The following ANKRD30A variants were observed in gnomAD, a reference collection of about 807,000 sequenced individuals.
ANKRD30A encodes the protein ankyrin repeat domain-containing protein 30A.
ANKRD30A carries 170 observed loss-of-function variants against 166.3 expected under a neutral mutation model. The ratio of observed to expected loss-of-function variants is 1.02; its 90% CI spans 0.90 to 1.16. The LOEUF is 1.16. Among genes scored for constraint, ANKRD30A ranks in the 50% most tolerant of loss-of-function variants. The pLI is 0.00. For synonymous variants in ANKRD30A, 564 were observed against 508.9 expected (o/e 1.11, Z -1.46); for missense variants, 1,630 against 1,518.0 (o/e 1.07, Z -1.23).
chr10:37,240,812 G>A, the ANKRD30A span: 1 of 152,056 alleles, frequency 6.6e-6, no homozygotes, highest in African/African-American at 2.4e-5. Context: ...AATGTGTCAT[G>A]ATATCTATTA....
the ANKRD30A span, among the ~76,000 whole-genome samples, chr10:37,265,507 C>A: frequency 6.6e-6 from 1 of 152,214 alleles, no homozygotes; most frequent in Non-Finnish European, 1.5e-5. Context: ...CACAGCCAGT[C>A]TTCCCACTTC....
chr10:37,196,690 C>T (rs1407582178), intron 27 of ANKRD30A, among the ~76,000 whole-genome samples: 2 of 152,042 alleles, frequency 1.3e-5, no homozygotes, highest in South Asian at 4.1e-4. Flanking sequence ...TACACATCTT[C>T]TTGCATGAGT....
chr10:37,260,312 T>C, the ANKRD30A span, among the ~76,000 whole-genome samples: 2 of 152,182 alleles, frequency 1.3e-5, no homozygotes, highest in Non-Finnish European at 2.9e-5. Context: ...CTTATTTAAC[T>C]TGCTCCCTTC....
chr10:37,196,676 GT>G (rs1841150041), intron 27 of ANKRD30A, among the ~76,000 whole-genome samples: 1 of 151,660 alleles, frequency 6.6e-6, no homozygotes. Context: ...TCCATGATGA[GT>G]TTTACACATC....
chr10:37,251,091 G>A, the ANKRD30A span, among the ~76,000 whole-genome samples: 2 of 152,118 alleles, frequency 1.3e-5, no homozygotes, highest in African/African-American at 2.4e-5. Flanking sequence ...TGAAGAGTTG[G>A]TGATAGGAGA....
At chr10:37,171,768 G>A (rs898916374) in intron 21 of ANKRD30A, among the ~76,000 whole-genome samples, 1 of 150,720 alleles carries the variant, frequency 6.6e-6, no homozygotes, top group African/African-American at 2.4e-5. Flanking sequence ...GTTGGTTACA[G>A]ATTCATTCTG....
intron 18 of ANKRD30A, among the ~76,000 whole-genome samples, chr10:37,166,125 A>G (rs1839314282): frequency 6.6e-6 from 1 of 152,168 alleles, no homozygotes; most frequent in Non-Finnish European, 1.5e-5. Context: ...CATACATTCT[A>G]TGACAGACTC....
Position 37,129,980 on chromosome 10 carries a change from T to C in ANKRD30A, c.309T>C (p.Asp103=). The C allele has an allele frequency of 6.3e-7, 1 of 1,577,364 alleles. No homozygotes were observed. The highest frequency in any genetic ancestry group is 8.6e-7 in the Non-Finnish European group (1 of 1,159,604). The change falls in exon 2 of 36, where the codon GAT becomes GAC. Residue 103 remains aspartate (D), a synonymous_variant. Transcript: ENST00000361713. Reference sequence around the variant, plus strand: ...GAAAGTGCCAGCTTGACGTCCTTGATGGCGAACACAGGACACCTCTGATGA... The same window carrying C: ...GAAAGTGCCAGCTTGACGTCCTTGACGGCGAACACAGGACACCTCTGATGA... ...VDRKCQLDVL[D]GEHRTPLMKA... is the part of the protein sequence containing the mutation.
intron 3 of ANKRD30A, 137 bp downstream of exon 3, chr10:37,130,515 A>G: frequency 3.3e-6 from 2 of 604,446 alleles, no homozygotes; most frequent in Non-Finnish European, 4.9e-6. Context: ...ATTGTCTAAG[A>G]TTTTACTTTA....
At chr10:37,229,604 T>TC (rs1781635513) in intron 34 of ANKRD30A, among the ~76,000 whole-genome samples, 1 of 151,968 alleles carries the variant, frequency 6.6e-6, no homozygotes, top group Non-Finnish European at 1.5e-5. Context: ...CATCCTCCTA[T>TC]CTAGTTATTA....
In ANKRD30A at chr10:37,193,241, T is replaced by C. The variant is rs1270223046; in HGVS notation, c.2597T>C (p.Met866Thr). 2 of 1,611,290 alleles carry C rather than the reference T, an allele frequency of 1.2e-6. No homozygotes were observed. Among genetic ancestry groups the C allele is most frequent in the African/African-American group, 1.3e-5 (1 of 74,814 alleles). Residue 866 changes from methionine (M) to threonine (T), a missense_variant, in exon 27 of 36, where the codon ATG becomes ACG. Physicochemically the swap from Met to Thr is moderately conservative, Grantham distance 81. Transcript: ENST00000361713. Reference sequence around the variant, plus strand: ...ACTAAAGCCTTAGAATTGATGGACATGCAAACTTTCAAAGCAGGTAAATTT... The same window carrying C: ...ACTAAAGCCTTAGAATTGATGGACACGCAAACTTTCAAAGCAGGTAAATTT... ...IPTKALELMD[M>T]QTFKAEPPEK... is the part of the protein sequence containing the mutation.
At chr10:37,140,354 T>C (rs1019289866) in intron 6 of ANKRD30A, among the ~76,000 whole-genome samples, 2 of 152,234 alleles carry the variant, frequency 1.3e-5, no homozygotes, top group African/African-American at 4.8e-5. Context: ...AATGCTTTCC[T>C]GGTGCCATAA....
At chr10:37,254,662 CCTTTT>C in the ANKRD30A span, among the ~76,000 whole-genome samples, 441 of 148,662 alleles carry the variant, frequency 3.0e-3, no homozygotes, top group Non-Finnish European at 3.1e-3. Flanking sequence ...TTCTGGTTGT[CCTTTT>C]CTTTTCTTTT....
intron 4 of ANKRD30A, 117 bp downstream of exon 4, chr10:37,132,463 A>G: frequency 1.7e-6 from 1 of 585,450 alleles, no homozygotes; most frequent in South Asian, 3.6e-5. Flanking sequence ...TGAAAATATC[A>G]ATACAGATTA....
At chr10:37,190,993 T>C (rs1056406450) in intron 25 of ANKRD30A, among the ~76,000 whole-genome samples, 1 of 151,920 alleles carries the variant, frequency 6.6e-6, no homozygotes, top group Non-Finnish European at 1.5e-5. Flanking sequence ...GAAACCAGAC[T>C]AATTTTAAAA....
chr10:37,251,185 A>G, the ANKRD30A span, among the ~76,000 whole-genome samples: 1 of 152,280 alleles, frequency 6.6e-6, no homozygotes, highest in South Asian at 2.1e-4. Context: ...AGGGGCTGCT[A>G]TTGAGTTGAG....
At chr10:37,158,754 G>A (rs1229324514) in intron 15 of ANKRD30A, among the ~76,000 whole-genome samples, 168 bp downstream of exon 15, 1 of 152,062 alleles carries the variant, frequency 6.6e-6, no homozygotes, top group Non-Finnish European at 1.5e-5. Context: ...CCATTTACAA[G>A]CATAAGATTT....
At chr10:37,237,347 CT>C (rs1163383104), downstream of ANKRD30A, among the ~76,000 whole-genome samples, 2 of 152,084 alleles carry the variant, frequency 1.3e-5, no homozygotes, top group Non-Finnish European at 2.9e-5. Context: ...AAGAACAGAA[CT>C]TTTTTTAAAA....
chr10:37,183,826 A>G (rs1478475469), intron 24 of ANKRD30A, among the ~76,000 whole-genome samples: 1 of 148,374 alleles, frequency 6.7e-6, no homozygotes, highest in African/African-American at 2.5e-5. Context: ...TTTAGAAAAC[A>G]TAAACAAAAG....
Sources: allele counts gnomAD v4.1 joint callset (sites outside exome capture counted in the v4.1 genomes callset), GRCh38; gene constraint gnomAD v4.1.1; transcripts MANE v1.5; gene names NCBI Gene and HGNC (gene_info 2026-07-23, HGNC 2026-07-21).